Variants in LAMB1 observed in about 807,000 individuals in gnomAD.
LAMB1 encodes laminin subunit beta-1.
In LAMB1, 121 loss-of-function variants were observed where a neutral mutation model predicts 222.3. That is an observed-to-expected ratio of 0.54 (90% CI 0.47 to 0.63). The LOEUF (loss-of-function observed/expected upper bound fraction) is 0.63. LAMB1 is among the 30% of genes least tolerant of loss of function. The pLI is 0.00. For synonymous variants in LAMB1, 794 were observed against 807.2 expected (o/e 0.98, Z 0.28); for missense variants, 2,172 against 2,240.8 (o/e 0.97, Z 0.62).
At position 107,986,382 on chromosome 7, in the gene LAMB1, A is replaced by G; in HGVS notation, c.424-19T>C. 1 of 1,553,402 alleles carries G rather than the reference A, an allele frequency of 6.4e-7. No individual in the cohort carries two copies. The highest frequency in any genetic ancestry group is 8.7e-7 in the Non-Finnish European group (1 of 1,149,322). Reference sequence around the variant, plus strand: ...GGAATGTCTAAAGGCAGGAGCAAAAATCTCATTTGATGTTTTTTATTGGTA... The same window carrying G: ...GGAATGTCTAAAGGCAGGAGCAAAAGTCTCATTTGATGTTTTTTATTGGTA... On this transcript the variant is annotated intron_variant, in intron 5 of 33. Coordinates refer to ENST00000222399, the MANE Select transcript of LAMB1 (RefSeq NM_002291.3).
chr7:107,973,894 C>CA (rs1242247058), intron 12 of LAMB1, among the ~76,000 whole-genome samples: 1 of 152,168 alleles, frequency 6.6e-6, no homozygotes, highest in Non-Finnish European at 1.5e-5. Flanking sequence ...GATCCACCTG[C>CA]CTCAGCCTCC....
chr7:107,954,188 T>C (rs2116404044), intron 21 of LAMB1, among the ~76,000 whole-genome samples: 1 of 152,136 alleles, frequency 6.6e-6, no homozygotes, highest in African/African-American at 2.4e-5. Flanking sequence ...GGGGCCTTGC[T>C]TTATCACCCA....
In LAMB1 at chr7:107,928,270, A is replaced by C. The variant is rs537378583; in HGVS notation, c.4887+794T>G. Among the ~76,000 whole-genome samples the C allele has an allele frequency of 2.6e-5, 4 of 152,338 alleles. No homozygotes were observed. The East Asian group carries it at 7.7e-4, about 29-fold the overall frequency. ...GCATTCTAAACAGAACAGATTGTTTAGCTATAAGTGCTCTATTAGGTTTCT... is the reference window on the plus strand; with the variant it reads ...GCATTCTAAACAGAACAGATTGTTTCGCTATAAGTGCTCTATTAGGTTTCT... On this transcript the variant is annotated intron_variant, in intron 31 of 33. Coordinates refer to ENST00000222399, the MANE Select transcript of LAMB1 (RefSeq NM_002291.3).
chr7:107,997,263 A>C (rs1221001678), intron 4 of LAMB1, among the ~76,000 whole-genome samples: 1 of 152,064 alleles, frequency 6.6e-6, no homozygotes, highest in African/African-American at 2.4e-5. Context: ...CTCTACTAAA[A>C]ATACAAAAAA....
In LAMB1 at chr7:107,977,950, A is replaced by T. The variant is rs114359260; in HGVS notation, c.1000+97T>A. 2,286 of 1,390,484 alleles carry T rather than the reference A, an allele frequency of 1.6e-3. 31 individuals are homozygous for T. The African/African-American group carries it at 0.027, about 17-fold the overall frequency. The allele number at this position is 1,390,484 out of a possible 1,614,324, so 86.1% of individuals were successfully genotyped here. ...CTGGAAAAAAGACAGTAACTTTTCT[A>T]CCCTCTGCAAAACAGTACACTGTTA... On this transcript the variant is annotated intron_variant, in intron 9 of 33. Coordinates refer to ENST00000222399, the MANE Select transcript of LAMB1 (RefSeq NM_002291.3).
chr7:107,929,921 G>A (rs2032664588), intron 29 of LAMB1: 1 of 398,244 alleles, frequency 2.5e-6, no homozygotes, highest in Non-Finnish European at 4.6e-6. Context: ...GAATTTGAAA[G>A]AAGAAAGGAC....
intron 31 of LAMB1, among the ~76,000 whole-genome samples, chr7:107,926,647 A>AG (rs992674742): frequency 4.6e-5 from 7 of 152,172 alleles, no homozygotes; most frequent in Non-Finnish European, 1.0e-4. Context: ...CACCTCCCCA[A>AG]GGAGCATGAT....
chr7:107,932,098 T>G (rs2032724094), intron 28 of LAMB1, 76 bp downstream of exon 28: 1 of 1,285,500 alleles, frequency 7.8e-7, no homozygotes, highest in Admixed American at 1.7e-5. Context: ...AGAATTGATT[T>G]CTCCCTTTCA....
At position 107,924,173 on chromosome 7, in the gene LAMB1, A is replaced by G. The variant is rs1400378591; in HGVS notation, c.5224+57T>C. The G allele has an allele frequency of 2.6e-6, 4 of 1,549,112 alleles. No homozygotes were observed. The Middle Eastern group carries it at 5.2e-4, about 203-fold the overall frequency. Reference sequence around the variant, plus strand: ...AAGTGAATATATTTTTCACTTTTAAATAAACTATGGATGCCTTAAAGTAAT... The same window carrying G: ...AAGTGAATATATTTTTCACTTTTAAGTAAACTATGGATGCCTTAAAGTAAT... On this transcript the variant is annotated intron_variant, in intron 33 of 33. Coordinates refer to ENST00000222399, the MANE Select transcript of LAMB1 (RefSeq NM_002291.3).
intron 4 of LAMB1, among the ~76,000 whole-genome samples, 157 bp from the exon 5 acceptor site, chr7:107,995,117 A>G (rs1488873863): frequency 2.0e-5 from 3 of 152,222 alleles, no homozygotes; most frequent in Non-Finnish European, 2.9e-5. Flanking sequence ...TAATAATCCC[A>G]TGGGCTTATT....
intron 25 of LAMB1, 33 bp downstream of exon 25, chr7:107,939,955 TA>T: frequency 6.3e-7 from 1 of 1,593,646 alleles, no homozygotes; most frequent in Non-Finnish European, 8.6e-7. Context: ...TTTTCAGCTT[TA>T]TGAGTAATTC....
intron 25 of LAMB1, among the ~76,000 whole-genome samples, chr7:107,938,880 T>C (rs185891985): frequency 6.6e-6 from 1 of 152,176 alleles, no homozygotes; most frequent in Admixed American, 6.5e-5. Flanking sequence ...CCAGTTACTT[T>C]AAATCTAGGT....
chr7:107,961,369 A>G, intron 16 of LAMB1, 40 bp from the exon 17 acceptor site: 1 of 1,602,966 alleles, frequency 6.2e-7, no homozygotes. Flanking sequence ...ACGAAAGTCA[A>G]CCTTCATGCA....
At chr7:107,931,960 G>A (rs990911608) in intron 28 of LAMB1, among the ~76,000 whole-genome samples, 12 of 152,200 alleles carry the variant, frequency 7.9e-5, no homozygotes, top group Non-Finnish European at 1.6e-4. Flanking sequence ...TCTAAAGCAT[G>A]TGTTGAGTGA....
intron 5 of LAMB1, among the ~76,000 whole-genome samples, chr7:107,991,677 G>A (rs371470163): frequency 2.6e-5 from 4 of 151,908 alleles, no homozygotes; most frequent in East Asian, 3.9e-4. Flanking sequence ...TTGTGACGCC[G>A]AGGCGGGCAG....
chr7:107,992,608 G>A (rs1341265662), intron 5 of LAMB1, among the ~76,000 whole-genome samples: 2 of 152,206 alleles, frequency 1.3e-5, no homozygotes, highest in Non-Finnish European at 2.9e-5. Context: ...CAGAACAGAA[G>A]GGAACAGGCC....
intron 13 of LAMB1, among the ~76,000 whole-genome samples, chr7:107,966,360 G>A (rs1162117918): frequency 6.6e-6 from 1 of 151,900 alleles, no homozygotes; most frequent in Admixed American, 6.6e-5. Context: ...ATAGGCGACT[G>A]CCACCATGCC....
intron 20 of LAMB1, among the ~76,000 whole-genome samples, chr7:107,955,953 A>G (rs1459103185): frequency 6.6e-6 from 1 of 152,168 alleles, no homozygotes; most frequent in Non-Finnish European, 1.5e-5. Context: ...GCTGGAGTGC[A>G]GTGGCACGAT....
chr7:107,940,307 G>C lies in LAMB1; in HGVS notation c.3443C>G (p.Thr1148Arg), dbSNP rs756623178. ...ACCCTCAACGCAGACACACTGGCCC[G>C]TGGACTGGTCACACTGTGGCGTCTC... The part of the protein sequence containing the change: ...GIETPQCDQS[T>R]GQCVCVEGVE... The change falls in exon 25 of 34, where the codon ACG (threonine) becomes AGG (arginine). Residue 1148 changes from threonine (T) to arginine (R), a missense_variant. By Grantham distance (71) the Thr-to-Arg change is moderately conservative. Transcript: ENST00000222399. The C allele has an allele frequency of 6.2e-7, 1 of 1,614,178 alleles. No homozygotes were observed. The highest frequency in any genetic ancestry group is 1.1e-5 in the South Asian group (1 of 91,080).
Sources: gnomAD v4.1 joint callset for allele counts (sites outside exome capture counted in the v4.1 genomes callset) on GRCh38, gnomAD v4.1.1 for gene constraint, MANE v1.5 for transcripts, NCBI Gene and HGNC (gene_info 2026-07-23, HGNC 2026-07-21) for gene names.